The following CD300LF variants were observed in gnomAD, a reference collection of about 807,000 sequenced individuals.
The protein encoded by CD300LF is CD300 molecule like family member f.
CD300LF carries 27 observed loss-of-function variants against 32.2 expected under a neutral mutation model. That is an observed-to-expected ratio of 0.84 (90% CI 0.62 to 1.15). The LOEUF (loss-of-function observed/expected upper bound fraction) is 1.15. Ranked by LOEUF, CD300LF falls within the 50% of genes most tolerant of loss-of-function variation. CD300LF has a pLI of 0.00. For missense variants in CD300LF, 348 were observed against 356.8 expected, an observed-to-expected ratio of 0.98 and a Z score of 0.20; for synonymous variants, 139 against 143.2, an observed-to-expected ratio of 0.97 and a Z score of 0.21.
chr17:74,712,777 T>C, intron 1 of CD300LF, 47 bp downstream of exon 1: 1 of 1,610,208 alleles, frequency 6.2e-7, no homozygotes, highest in South Asian at 1.1e-5. Flanking sequence ...AGCCACCTCC[T>C]CCTGCTTGCT....
At chr17:74,701,480 C>A (rs148793533) in intron 3 of CD300LF, among the ~76,000 whole-genome samples, 1 of 152,128 alleles carries the variant, frequency 6.6e-6, no homozygotes. Flanking sequence ...AAATAAATAA[C>A]CTTAACTATT....
At chr17:74,710,970 T>C (rs147668451) in intron 1 of CD300LF, among the ~76,000 whole-genome samples, 182 of 151,884 alleles carry the variant, frequency 1.2e-3, no homozygotes, top group African/African-American at 4.2e-3. Context: ...AGCCCAGGAG[T>C]TGAGGCTGCA....
intron 4 of CD300LF, among the ~76,000 whole-genome samples, chr17:74,697,175 C>T (rs1028326522): frequency 6.6e-6 from 1 of 152,136 alleles, no homozygotes; most frequent in Non-Finnish European, 1.5e-5. Flanking sequence ...AACTCCTGAC[C>T]TCAAGTGATC....
At chr17:74,709,811 G>A (rs1014380309) in intron 1 of CD300LF, among the ~76,000 whole-genome samples, 2 of 151,982 alleles carry the variant, frequency 1.3e-5, no homozygotes, top group African/African-American at 4.8e-5. Flanking sequence ...GGACTCAACC[G>A]ATCTGCCTGC....
At chr17:74,704,128 T>G (rs1314198149) in intron 2 of CD300LF, among the ~76,000 whole-genome samples, 3 of 151,892 alleles carry the variant, frequency 2.0e-5, no homozygotes, top group African/African-American at 4.8e-5. Context: ...GCACCAGAGG[T>G]CTCCAAAAAG....
At chr17:74,707,092 A>C (rs1192570195) in intron 1 of CD300LF, among the ~76,000 whole-genome samples, 3 of 152,212 alleles carry the variant, frequency 2.0e-5, no homozygotes, top group African/African-American at 7.2e-5. Flanking sequence ...TGTCTTGGAG[A>C]GGACGCCAAA....
intron 1 of CD300LF, among the ~76,000 whole-genome samples, chr17:74,706,725 C>T (rs987519775): frequency 5.9e-5 from 9 of 152,096 alleles, no homozygotes; most frequent in Admixed American, 1.3e-4. Flanking sequence ...ACCAACGGCG[C>T]GGACAGAGGG....
intron 1 of CD300LF, among the ~76,000 whole-genome samples, chr17:74,708,478 G>A (rs1464932178): frequency 6.6e-6 from 1 of 152,190 alleles, no homozygotes; most frequent in Non-Finnish European, 1.5e-5. Context: ...AGAAAGTATT[G>A]TAGGCAAATA....
intron 3 of CD300LF, among the ~76,000 whole-genome samples, chr17:74,701,315 A>T (rs1003112355): frequency 7.9e-5 from 12 of 152,208 alleles, no homozygotes; most frequent in Admixed American, 5.2e-4. Context: ...TATTTGGTCC[A>T]TTCTTGTACC....
At chr17:74,707,421 A>G (rs2033607067) in intron 1 of CD300LF, among the ~76,000 whole-genome samples, 1 of 152,260 alleles carries the variant, frequency 6.6e-6, no homozygotes, top group Non-Finnish European at 1.5e-5. Context: ...AATGCAAATT[A>G]AAACCAAAAG....
chr17:74,702,823 A>G (rs2033177110), intron 3 of CD300LF, among the ~76,000 whole-genome samples: 1 of 152,228 alleles, frequency 6.6e-6, no homozygotes, highest in African/African-American at 2.4e-5. Flanking sequence ...TGAACCTACA[A>G]ACAGCACTGA....
chr17:74,706,843 C>A (rs1177521599), intron 1 of CD300LF, among the ~76,000 whole-genome samples: 1 of 152,160 alleles, frequency 6.6e-6, no homozygotes, highest in African/African-American at 2.4e-5. Context: ...CAGCCCGGGT[C>A]CTGGGGAAAG....
At chr17:74,696,358 A>C in intron 4 of CD300LF, 141 bp from the exon 5 acceptor site, 1 of 799,546 alleles carries the variant, frequency 1.3e-6, no homozygotes, top group African/African-American at 1.8e-5. Flanking sequence ...TCTAATTCTG[A>C]TTCCTCAGAT....
chr17:74,709,775 G>C (rs2033814439), intron 1 of CD300LF, among the ~76,000 whole-genome samples: 1 of 151,616 alleles, frequency 6.6e-6, no homozygotes, highest in Non-Finnish European at 1.5e-5. Context: ...GTCTCACTTT[G>C]TTGCCCAAGC....
At chr17:74,703,698 C>T (rs2033264439) in intron 2 of CD300LF, among the ~76,000 whole-genome samples, 1 of 152,188 alleles carries the variant, frequency 6.6e-6, no homozygotes, top group Non-Finnish European at 1.5e-5. Flanking sequence ...CTAGAATATG[C>T]CCCAGAGGCT....
In CD300LF at chr17:74,704,523, T is replaced by G. The variant is rs1598255095; in HGVS notation, c.337A>C (p.Thr113Pro). The G allele has an allele frequency of 2.5e-6, 4 of 1,614,060 alleles. No homozygotes were observed. The highest frequency in any genetic ancestry group is 1.6e-4 in the Middle Eastern group (1 of 6,062). The change falls in exon 2 of 7, where the codon ACT becomes CCT. Residue 113 changes from threonine to proline, a missense_variant. By Grantham distance (38) the Thr-to-Pro change is conservative. Transcript: ENST00000326165. The part of the protein sequence containing the change: ...ADTYWCGIEK[T>P]GNDLGVTVQV... ...ACTGTGACCCCAAGGTCATTTCCAG[T>G]TTTCTCAATTCCACACCAGTAAGTG... is the stretch of plus-strand genomic sequence containing the variant.
chr17:74,709,132 G>A (rs1367900800), intron 1 of CD300LF, among the ~76,000 whole-genome samples: 1 of 150,902 alleles, frequency 6.6e-6, no homozygotes, highest in African/African-American at 2.4e-5. Context: ...GCTGAGGCAG[G>A]AGAATCGCTT....
chr17:74,708,628 A>G (rs138467314), intron 1 of CD300LF, among the ~76,000 whole-genome samples: 1 of 152,244 alleles, frequency 6.6e-6, no homozygotes, highest in Admixed American at 6.5e-5. Flanking sequence ...TAAAAAATCA[A>G]TAAGGAGGCT....
In CD300LF at chr17:74,694,855, G is replaced by A. The variant is rs539741273; in HGVS notation, c.*241C>T. On this transcript the variant is annotated 3_prime_UTR_variant, in exon 7 of 7. Coordinates refer to ENST00000326165, the MANE Select transcript of CD300LF (RefSeq NM_139018.5). Reference sequence around the variant, plus strand: ...TCATCATTCCCATGAAAGCCCCAGAGCATATCCCTAGCCCCCTCCTCAACT... The same window carrying A: ...TCATCATTCCCATGAAAGCCCCAGAACATATCCCTAGCCCCCTCCTCAACT... 1.2e-5 allele frequency: 5 copies of A among 414,516 alleles called. No homozygotes were observed. Among genetic ancestry groups the A allele is most frequent in the African/African-American group, 4.0e-5 (2 of 49,422 alleles). 25.7% of individuals were successfully genotyped at this position (414,516 alleles called of 1,614,324 possible). A position where few individuals can be genotyped will look rare whatever the true frequency, so the allele number is the denominator to read the frequency against.
Sources: allele counts gnomAD v4.1 joint callset (sites outside exome capture counted in the v4.1 genomes callset), GRCh38; gene constraint gnomAD v4.1.1; transcripts MANE v1.5; gene names NCBI Gene and HGNC (gene_info 2026-07-23, HGNC 2026-07-21).